Variants in CYP7B1 observed in about 807,000 individuals in gnomAD.
The protein encoded by CYP7B1 is cytochrome P450 family 7 subfamily B member 1, also known as cytochrome P450 7B1.
CYP7B1 carries 29 observed loss-of-function variants against 42.7 expected under a neutral mutation model. The observed-to-expected ratio is 0.68, with a 90% confidence interval of 0.51 to 0.93. The LOEUF is 0.93. Among genes scored for constraint, CYP7B1 ranks in the 40% least tolerant of loss-of-function variants. The pLI is 0.00. For missense variants in CYP7B1, 655 were observed against 600.5 expected, an observed-to-expected ratio of 1.09 and a Z score of -0.95; for synonymous variants, 235 against 218.2, an observed-to-expected ratio of 1.08 and a Z score of -0.68.
At chr8:64,601,077 T>A (rs1347026255) in intron 5 of CYP7B1, among the ~76,000 whole-genome samples, 2 of 152,242 alleles carry the variant, frequency 1.3e-5, no homozygotes, top group Non-Finnish European at 2.9e-5. Flanking sequence ...TGAGAGTACT[T>A]CTTTATCTGC....
intron 1 of CYP7B1, among the ~76,000 whole-genome samples, chr8:64,794,485 T>TCAAG (rs1325904591): frequency 6.6e-6 from 1 of 152,182 alleles, no homozygotes; most frequent in African/African-American, 2.4e-5. Context: ...AAGTCCAAGA[T>TCAAG]CAAGGCACAA....
intron 2 of CYP7B1, among the ~76,000 whole-genome samples, chr8:64,620,178 C>A (rs1219233787): frequency 6.6e-6 from 1 of 152,016 alleles, no homozygotes; most frequent in Non-Finnish European, 1.5e-5. Context: ...AAAAGGAGAA[C>A]CTATCTCTAA....
At chr8:64,630,319 C>A (rs761919275) in intron 1 of CYP7B1, among the ~76,000 whole-genome samples, 1 of 152,220 alleles carries the variant, frequency 6.6e-6, no homozygotes, top group Non-Finnish European at 1.5e-5. Context: ...AATAAAGTTA[C>A]ATTTCTGTAC....
intron 2 of CYP7B1, among the ~76,000 whole-genome samples, chr8:64,621,838 C>T (rs564251209): frequency 3.3e-5 from 5 of 150,660 alleles, no homozygotes; most frequent in African/African-American, 4.9e-5. Flanking sequence ...CGGGTTCAAG[C>T]GATTCTCTGG....
At chr8:64,688,825 A>T (rs1806695987) in intron 1 of CYP7B1, among the ~76,000 whole-genome samples, 1 of 152,096 alleles carries the variant, frequency 6.6e-6, no homozygotes, top group Non-Finnish European at 1.5e-5. Context: ...TACTCAGGAG[A>T]CTGAGGTGGG....
intron 1 of CYP7B1, among the ~76,000 whole-genome samples, chr8:64,770,772 T>C (rs894674461): frequency 1.3e-5 from 2 of 152,184 alleles, no homozygotes; most frequent in African/African-American, 4.8e-5. Flanking sequence ...GCTCTCCCCA[T>C]GGCTAGTTGC....
chr8:64,720,997 A>G (rs901408063), intron 1 of CYP7B1, among the ~76,000 whole-genome samples: 63 of 152,026 alleles, frequency 4.1e-4, no homozygotes, highest in African/African-American at 1.5e-3. Context: ...ACAAAAATCT[A>G]TTATTTAAAA....
chr8:64,719,246 T>A (rs1251704591), intron 1 of CYP7B1, among the ~76,000 whole-genome samples: 1 of 152,144 alleles, frequency 6.6e-6, no homozygotes, highest in East Asian at 1.9e-4. Context: ...TATCAACCAC[T>A]TAAAATATAT....
chr8:64,741,383 G>A (rs936165580), intron 1 of CYP7B1, among the ~76,000 whole-genome samples: 3 of 151,946 alleles, frequency 2.0e-5, no homozygotes, highest in Non-Finnish European at 2.9e-5. Context: ...GTAATGGCGC[G>A]ATCTCGGCTC....
intron 1 of CYP7B1, among the ~76,000 whole-genome samples, chr8:64,662,886 T>G (rs1385020922): frequency 6.6e-6 from 1 of 152,194 alleles, no homozygotes; most frequent in African/African-American, 2.4e-5. Context: ...GCATTTTCCC[T>G]TAGGCTACTC....
intron 1 of CYP7B1, among the ~76,000 whole-genome samples, chr8:64,776,968 T>C (rs1422947003): frequency 6.6e-6 from 1 of 152,090 alleles, no homozygotes; most frequent in East Asian, 1.9e-4. Flanking sequence ...GAAAAATACA[T>C]AGAATTTCCT....
rs1429046038 is a variant in CYP7B1, at chr8:64,615,175, C to T, written c.908G>A (p.Trp303Ter). Residue 303 changes from tryptophan (W) to a stop codon, truncating the protein, a stop_gained, in exon 4 of 6, where the codon TGG becomes TAG. Coordinates refer to ENST00000310193, the MANE Select transcript of CYP7B1 (RefSeq NM_004820.5). LOFTEE classifies it high-confidence loss of function. ...SVANTIPTMFWAMYYLLRHPE... is the reference protein window; with the variant it reads ...SVANTIPTMF ...GTGCCGCAGAAGATAATACATTGCC[C>T]AGAACATAGTTGGAATAGTGTTTGC... is the stretch of plus-strand genomic sequence containing the variant. 2.5e-6 allele frequency: 4 copies of T among 1,613,338 alleles called. No individual in the cohort carries two copies. Among genetic ancestry groups the T allele is most frequent in the Non-Finnish European group, 3.4e-6 (4 of 1,179,738 alleles).
intron 2 of CYP7B1, among the ~76,000 whole-genome samples, chr8:64,616,597 CCT>C (rs992289823): frequency 1.2e-4 from 18 of 152,108 alleles, no homozygotes; most frequent in African/African-American, 4.3e-4. Context: ...CTCATAATCC[CCT>C]GACTTAAATA....
chr8:64,785,195 A>C (rs576863760), intron 1 of CYP7B1, among the ~76,000 whole-genome samples: 30 of 152,336 alleles, frequency 2.0e-4, no homozygotes, highest in African/African-American at 6.5e-4. Flanking sequence ...AATCCAAAAC[A>C]CTGACACCAC....
At chr8:64,734,016 C>T (rs1400758672) in intron 1 of CYP7B1, among the ~76,000 whole-genome samples, 4 of 152,046 alleles carry the variant, frequency 2.6e-5, no homozygotes, top group Non-Finnish European at 5.9e-5. Flanking sequence ...ATAAAAGTCA[C>T]TTCCTCAGGG....
At chr8:64,789,750 C>T (rs1002541973) in intron 1 of CYP7B1, among the ~76,000 whole-genome samples, 1 of 152,206 alleles carries the variant, frequency 6.6e-6, no homozygotes, top group Non-Finnish European at 1.5e-5. Context: ...GTTGAGAAAC[C>T]CTACTTCAAT....
At chr8:64,795,231 G>A (rs762511075) in intron 1 of CYP7B1, among the ~76,000 whole-genome samples, 1 of 152,160 alleles carries the variant, frequency 6.6e-6, no homozygotes, top group Non-Finnish European at 1.5e-5. Flanking sequence ...CGCAAAAAAG[G>A]ATACTGTATA....
chr8:64,733,516 G>A lies in CYP7B1; in HGVS notation c.122+64950C>T, dbSNP rs556217194. Among the ~76,000 whole-genome samples the A allele has an allele frequency of 2.4e-4, 36 of 152,254 alleles. 1 individual carries two copies. The highest frequency in any genetic ancestry group is 7.7e-4 in the African/African-American group (32 of 41,566). ...AGTATTTACAAAGAAGAATTTGATC[G>A]CCAATCAGTTCCACATGCACAGGAC... On this transcript the variant is annotated intron_variant, in intron 1 of 5. Transcript: ENST00000310193.
intron 1 of CYP7B1, among the ~76,000 whole-genome samples, chr8:64,636,368 G>A (rs1311387870): frequency 6.6e-6 from 1 of 152,070 alleles, no homozygotes; most frequent in African/African-American, 2.4e-5. Flanking sequence ...TTTTCCTTAT[G>A]TGAGAATTTA....
Sources: allele counts gnomAD v4.1 joint callset (sites outside exome capture counted in the v4.1 genomes callset), GRCh38; gene constraint gnomAD v4.1.1; transcripts MANE v1.5; gene names NCBI Gene and HGNC (gene_info 2026-07-23, HGNC 2026-07-21).